Variants in ARHGEF10 observed in about 807,000 individuals in gnomAD.
The protein encoded by ARHGEF10 is Rho guanine nucleotide exchange factor (GEF) 10.
In ARHGEF10, 140 loss-of-function variants were observed where a neutral mutation model predicts 147.4. That is an observed-to-expected ratio of 0.95 (90% CI 0.83 to 1.09). ARHGEF10 has a LOEUF of 1.09. ARHGEF10 is among the 50% of genes least tolerant of loss of function. The pLI is 0.00. For missense variants in ARHGEF10, 2,222 were observed against 1,752.7 expected (o/e 1.27, Z -4.78); for synonymous variants, 902 against 695.8 (o/e 1.30, Z -4.67).
At chr8:1,904,277 C>T (rs1309047182) in intron 16 of ARHGEF10, 1 of 152,176 alleles carries the variant, frequency 6.6e-6, no homozygotes, top group East Asian at 1.9e-4. Flanking sequence ...TGGGCTTTCC[C>T]GTATTCACTG....
At chr8:1,837,513 AGTGTG>A (rs1262721576) in intron 1 of ARHGEF10, among the ~76,000 whole-genome samples, 1 of 152,254 alleles carries the variant, frequency 6.6e-6, no homozygotes, top group Non-Finnish European at 1.5e-5. Flanking sequence ...AGATTTACAC[AGTGTG>A]GTTTAAAAAA....
At chr8:1,935,653 T>A (rs1471841004) in intron 26 of ARHGEF10, among the ~76,000 whole-genome samples, 1 of 152,196 alleles carries the variant, frequency 6.6e-6, no homozygotes, top group Non-Finnish European at 1.5e-5. Context: ...TCCTGGCAAC[T>A]CCGCACCCTA....
chr8:1,946,072 G>T (rs1312484361), intron 27 of ARHGEF10, among the ~76,000 whole-genome samples: 1 of 152,166 alleles, frequency 6.6e-6, no homozygotes, highest in African/African-American at 2.4e-5. Flanking sequence ...GCCAACAGAG[G>T]CCTATGTTTG....
At position 1,925,300 on chromosome 8, in the gene ARHGEF10, G is replaced by A; in HGVS notation, c.2506G>A (p.Gly836Ser). 1 of 1,614,178 alleles carries A rather than the reference G, an allele frequency of 6.2e-7. No homozygotes were observed. The highest frequency in any genetic ancestry group is 8.5e-7 in the Non-Finnish European group (1 of 1,180,040). ...AATTGCAGAAGAGGAGAACCACATG[G>A]GCTGGTTCTGTGTGGAAGACGATGG... is the stretch of plus-strand genomic sequence containing the variant. ...KLALEEENHM[G>S]WFCVEDDGNH... The change falls in exon 22 of 29, where the codon GGC (glycine) becomes AGC (serine). Residue 836 changes from glycine (G) to serine (S), a missense_variant. Gly to Ser is a moderately conservative substitution (Grantham distance 56, BLOSUM62 0). Coordinates refer to ENST00000349830, the MANE Select transcript of ARHGEF10 (RefSeq NM_014629.4).
Position 1,945,529 on chromosome 8 carries a change from G to A in ARHGEF10, c.3271G>A (p.Ala1091Thr). The change falls in exon 27 of 29, where the codon GCC becomes ACC. Residue 1091 changes from alanine to threonine, a missense_variant. Transcript: ENST00000349830. ...QEEGMVISHMAVSGVGIWIAF... is the reference protein window; with the variant it reads ...QEEGMVISHMTVSGVGIWIAF... ...GGAAGGCATGGTGATCTCCCACATG[G>A]CCGTGTCCGGCGTCGGGATCTGGAT... is the stretch of plus-strand genomic sequence containing the variant. 2 of 1,613,628 alleles carry A rather than the reference G, an allele frequency of 1.2e-6. No homozygotes were observed. Among genetic ancestry groups the A allele is most frequent in the Non-Finnish European group, 8.5e-7 (1 of 1,179,764 alleles).
intron 7 of ARHGEF10, chr8:1,869,505 T>G: frequency 1.6e-6 from 1 of 609,944 alleles, no homozygotes; most frequent in East Asian, 2.9e-5. Context: ...GTACAGAAAA[T>G]GCCGGCAAAG....
chr8:1,903,106 C>T (rs963254636), intron 15 of ARHGEF10, among the ~76,000 whole-genome samples, 175 bp from the exon 16 acceptor site: 3 of 152,196 alleles, frequency 2.0e-5, no homozygotes, highest in African/African-American at 7.2e-5. Flanking sequence ...TTCAGATGTT[C>T]AGCCAAGTCG....
intron 26 of ARHGEF10, 124 bp from the exon 27 acceptor site, chr8:1,945,357 G>A (rs1360567964): frequency 5.0e-6 from 6 of 1,210,158 alleles, no homozygotes; most frequent in African/African-American, 1.5e-5. Flanking sequence ...CTGTGATTTG[G>A]AGCAAAGCCT....
At chr8:1,938,574 G>T (rs1813811402) in intron 26 of ARHGEF10, among the ~76,000 whole-genome samples, 1 of 152,204 alleles carries the variant, frequency 6.6e-6, no homozygotes, top group Non-Finnish European at 1.5e-5. Context: ...GTGATTTGCT[G>T]CAGCAATGCG....
intron 7 of ARHGEF10, chr8:1,871,061 C>G (rs1244160238): frequency 7.3e-6 from 1 of 136,192 alleles, no homozygotes; most frequent in African/African-American, 2.8e-5. Flanking sequence ...TGCAGTGAGT[C>G]GAGATTGTGC....
At chr8:1,838,115 G>A (rs759504145) in intron 1 of ARHGEF10, among the ~76,000 whole-genome samples, 31 of 152,208 alleles carry the variant, frequency 2.0e-4, no homozygotes, top group Non-Finnish European at 3.2e-4. Flanking sequence ...CTGGTGCACC[G>A]TGGAAGGAAC....
chr8:1,888,953 T>G, intron 11 of ARHGEF10, among the ~76,000 whole-genome samples: 2 of 69,048 alleles, frequency 2.9e-5, no homozygotes, highest in South Asian at 6.5e-4. Context: ...AGACACTGAG[T>G]GGGGTGAGGG....
chr8:1,953,424 A>T (rs1286749987), intron 28 of ARHGEF10, among the ~76,000 whole-genome samples: 1 of 152,202 alleles, frequency 6.6e-6, no homozygotes, highest in Admixed American at 6.5e-5. Context: ...CGGGGATCCG[A>T]AAAGGCTCCA....
chr8:1,909,877 C>T (rs1383231897), intron 18 of ARHGEF10, among the ~76,000 whole-genome samples: 1 of 152,192 alleles, frequency 6.6e-6, no homozygotes, highest in African/African-American at 2.4e-5. Flanking sequence ...GCTCTTTGCT[C>T]ACCTGCTCAC....
chr8:1,852,160 A>C (rs1189778022), intron 2 of ARHGEF10, among the ~76,000 whole-genome samples: 2 of 152,134 alleles, frequency 1.3e-5, no homozygotes, highest in Admixed American at 6.5e-5. Context: ...TGGCCACCCC[A>C]AGTGCAATAG....
intron 28 of ARHGEF10, among the ~76,000 whole-genome samples, chr8:1,955,871 G>T (rs1220200752): frequency 1.3e-5 from 2 of 152,266 alleles, no homozygotes; most frequent in Non-Finnish European, 2.9e-5. Flanking sequence ...GCTTCGCCAG[G>T]TGATGAGCGG....
chr8:1,930,025 T>C (rs968051481), intron 25 of ARHGEF10, among the ~76,000 whole-genome samples: 12 of 152,174 alleles, frequency 7.9e-5, no homozygotes, highest in African/African-American at 2.9e-4. Flanking sequence ...AGCTGTGCTT[T>C]GCAGGCTCTT....
intron 2 of ARHGEF10, 80 bp from the exon 3 acceptor site, chr8:1,857,877 TCGA>T: frequency 1.1e-6 from 1 of 896,398 alleles, no homozygotes; most frequent in Non-Finnish European, 1.6e-6. Context: ...CATAGATCGA[TCGA>T]TCTATCTATC....
rs200464752 is a variant in ARHGEF10, at chr8:1,931,616, G to C, written c.3079+2173G>C. Among the ~76,000 whole-genome samples the C allele has an allele frequency of 5.0e-4, 76 of 152,378 alleles. No individual in the cohort carries two copies. The East Asian group carries it at 0.013, about 26-fold the overall frequency. ...CCTGCCACTTCGTTCTTGGTGGTGA[G>C]GGACGTGGCTGGCTGGAGGCCTCGG... On this transcript the variant is annotated intron_variant, in intron 25 of 28. Coordinates refer to ENST00000349830, the MANE Select transcript of ARHGEF10 (RefSeq NM_014629.4).
Sources: allele counts gnomAD v4.1 joint callset (sites outside exome capture counted in the v4.1 genomes callset), GRCh38; gene constraint gnomAD v4.1.1; transcripts MANE v1.5; gene names NCBI Gene and HGNC (gene_info 2026-07-23, HGNC 2026-07-21).